The following CCDC7 variants were observed in gnomAD, a reference collection of about 807,000 sequenced individuals.
CCDC7 encodes the protein coiled-coil domain-containing protein 7.
In CCDC7, 183 loss-of-function variants were observed where a neutral mutation model predicts 196.9. The observed-to-expected ratio is 0.93, with a 90% CI of 0.82 to 1.05. The LOEUF (loss-of-function observed/expected upper bound fraction) is 1.05. CCDC7 is among the 50% of genes least tolerant of loss of function. The pLI is 0.00. For missense variants in CCDC7, 1,540 were observed against 1,482.2 expected (o/e 1.04, Z -0.64); for synonymous variants, 525 against 484.6 (o/e 1.08, Z -1.10).
intron 18 of CCDC7, among the ~76,000 whole-genome samples, chr10:32,591,217 G>A (rs1012460645): frequency 2.6e-5 from 4 of 151,878 alleles, no homozygotes; most frequent in African/African-American, 9.7e-5. Context: ...TTGTAGGCAT[G>A]CTTCATTGTT....
exon 1 of CCDC7, chr10:32,451,916 A>C (rs1347704165): frequency 6.2e-7 from 1 of 1,610,836 alleles, no homozygotes. Flanking sequence ...CAAACATCTG[A>C]AGATGGTAAG....
At chr10:32,780,632 G>T (rs1465915406) in intron 29 of CCDC7, among the ~76,000 whole-genome samples, 2 of 152,030 alleles carry the variant, frequency 1.3e-5, no homozygotes, top group African/African-American at 2.4e-5. Flanking sequence ...TATCTATGGT[G>T]CATGCATGAA....
intron 8 of CCDC7, among the ~76,000 whole-genome samples, chr10:32,480,285 T>C (rs1172836731): frequency 1.3e-5 from 2 of 152,028 alleles, no homozygotes; most frequent in Non-Finnish European, 2.9e-5. Context: ...CATTACGTTA[T>C]TTGAGCTCTT....
intron 20 of CCDC7, among the ~76,000 whole-genome samples, chr10:32,653,004 C>T (rs1762542): frequency 6.6e-6 from 1 of 151,952 alleles, no homozygotes; most frequent in South Asian, 2.1e-4. Flanking sequence ...GGTAAGTTTT[C>T]TCACCTTTTG....
At chr10:32,448,267 A>G (rs1343923250), upstream of CCDC7, among the ~76,000 whole-genome samples, 13 of 151,956 alleles carry the variant, frequency 8.6e-5, no homozygotes, top group Admixed American at 7.2e-4. Context: ...CTTGTCAGAC[A>G]TATTTAAGGG....
chr10:32,512,715 A>G (rs1382262609), intron 9 of CCDC7: 1 of 152,242 alleles, frequency 6.6e-6, no homozygotes, highest in Non-Finnish European at 1.5e-5. Context: ...GTGCTCATAC[A>G]GTAGAAAAAA....
intron 39 of CCDC7, among the ~76,000 whole-genome samples, chr10:32,850,503 T>C (rs1269943884): frequency 2.6e-5 from 4 of 152,144 alleles, no homozygotes; most frequent in Non-Finnish European, 1.5e-5. Flanking sequence ...CCAGAGTTAG[T>C]ATGGAAGAAC....
intron 33 of CCDC7, 97 bp from the exon 35 acceptor site, chr10:32,845,146 C>G (rs1469630624): frequency 1.5e-6 from 1 of 661,506 alleles, no homozygotes; most frequent in Non-Finnish European, 2.5e-6. Context: ...AGGTGAAATT[C>G]TAAATGAATA....
At chr10:32,650,333 T>A (rs900964991) in intron 20 of CCDC7, among the ~76,000 whole-genome samples, 7 of 152,208 alleles carry the variant, frequency 4.6e-5, no homozygotes, top group Non-Finnish European at 4.4e-5. Context: ...TTGAGAGCAA[T>A]GAGCAGTAGA....
chr10:32,658,852 A>G (rs2070583647), intron 20 of CCDC7, among the ~76,000 whole-genome samples: 1 of 152,170 alleles, frequency 6.6e-6, no homozygotes, highest in African/African-American at 2.4e-5. Context: ...ATTGTTCATA[A>G]TAGTCATAAT....
Position 32,511,267 on chromosome 10 carries a change from G to GGGA in CCDC7, c.873-6676_873-6675insAGG. On this transcript the variant is annotated intron_variant, in intron 9 of 41. Coordinates refer to ENST00000639629, the Ensembl canonical transcript of CCDC7. ...AGAATTATTCTGTGGGGGGCGGGGG[G>GGGA]GGCGGGGAAATGTACTTTTTGAATA... The GGGA allele has an allele frequency of 3.6e-6, 2 of 553,510 alleles. 1 individual carries two copies. Among genetic ancestry groups the GGGA allele is most frequent in the Non-Finnish European group, 6.1e-6 (2 of 326,836 alleles). The allele number at this position is 553,510 out of a possible 1,614,324, so 34.3% of individuals were successfully genotyped here.
chr10:32,546,121 G>A (rs1256390850), intron 13 of CCDC7, among the ~76,000 whole-genome samples: 2 of 151,974 alleles, frequency 1.3e-5, no homozygotes, highest in Non-Finnish European at 2.9e-5. Context: ...AAAACATATC[G>A]AATGCTATAA....
At chr10:32,815,211 T>C (rs2088149036) in intron 31 of CCDC7, among the ~76,000 whole-genome samples, 1 of 152,164 alleles carries the variant, frequency 6.6e-6, no homozygotes, top group African/African-American at 2.4e-5. Context: ...AACAGTACTC[T>C]GTAACCCAAA....
rs2035990338 is a variant in CCDC7 at position 32,462,721 on chromosome 10, C to T, written c.477+18C>T. ...TTTTTAAGGTACGTTCAATATATTA[C>T]AGCTTAAGCCTACTAAAACTTAACA... On this transcript the variant is annotated intron_variant, in intron 4 of 41. Coordinates refer to ENST00000639629, the Ensembl canonical transcript of CCDC7. The T allele has an allele frequency of 4.1e-6, 6 of 1,454,678 alleles. No individual in the cohort carries two copies. The highest frequency in any genetic ancestry group is 2.9e-5 in the African/African-American group (2 of 70,002). The allele number at this position is 1,454,678 out of a possible 1,614,324, so 90.1% of individuals were successfully genotyped here.
intron 12 of CCDC7, 21 bp downstream of exon 13, chr10:32,543,406 TTA>T (rs762493935): frequency 7.7e-7 from 1 of 1,306,692 alleles, no homozygotes; most frequent in East Asian, 2.8e-5. Context: ...AAGATACATG[TTA>T]ATCTTTTTTT....
chr10:32,552,908 CT>C (rs201384146), intron 13 of CCDC7, among the ~76,000 whole-genome samples: 5,540 of 152,152 alleles, frequency 0.036, 108 homozygotes, highest in Non-Finnish European at 0.05. Flanking sequence ...AGGTGAAGAT[CT>C]TTTTGTGATG....
At chr10:32,744,454 A>T (rs997922059) in intron 28 of CCDC7, among the ~76,000 whole-genome samples, 1 of 151,554 alleles carries the variant, frequency 6.6e-6, no homozygotes, top group Non-Finnish European at 1.5e-5. Context: ...ATGAATGAAG[A>T]TTCCTGTTGC....
chr10:32,721,142 C>T (rs2082357269), intron 25 of CCDC7, among the ~76,000 whole-genome samples: 1 of 151,928 alleles, frequency 6.6e-6, no homozygotes, highest in Non-Finnish European at 1.5e-5. Flanking sequence ...ATGTAAATAC[C>T]CCAAGATAAC....
intron 9 of CCDC7, among the ~76,000 whole-genome samples, chr10:32,500,079 C>G (rs1392277470): frequency 6.6e-6 from 1 of 152,242 alleles, no homozygotes. Context: ...AACAAAACCG[C>G]CACTGTCATC....
Sources: allele counts gnomAD v4.1 joint callset (sites outside exome capture counted in the v4.1 genomes callset), GRCh38; gene constraint gnomAD v4.1.1; transcripts MANE v1.5; gene names NCBI Gene and HGNC (gene_info 2026-07-23, HGNC 2026-07-21).